The following ZPLD1 variants were observed in gnomAD, a reference collection of about 807,000 sequenced individuals.
The protein encoded by ZPLD1 is zona pellucida-like domain-containing protein 1.
ZPLD1 carries 34 observed loss-of-function variants against 47.2 expected under a neutral mutation model. That is an observed-to-expected ratio of 0.72 (90% confidence interval 0.55 to 0.96). The LOEUF is 0.96. ZPLD1 is among the 40% of genes least tolerant of loss of function. ZPLD1 has a pLI of 0.00. For synonymous variants in ZPLD1, 176 were observed against 186.2 expected, an observed-to-expected ratio of 0.95 and a Z score of 0.45; for missense variants, 512 against 505.8, an observed-to-expected ratio of 1.01 and a Z score of -0.12.
Position 102,453,062 on chromosome 3 carries a change from A to C in ZPLD1, c.250A>C (p.Asn84His). 1.2e-6 allele frequency: 2 copies of C among 1,614,116 alleles called. No homozygotes were observed. The highest frequency in any genetic ancestry group is 2.2e-5 in the East Asian group (1 of 44,880). The change falls in exon 4 of 12, where the codon AAT becomes CAT. Residue 84 changes from asparagine (N) to histidine (H), a missense_variant. By Grantham distance (68) the Asn-to-His change is moderately conservative (BLOSUM62 1). Transcript: ENST00000466937. ...HGDSHCRGFINNNTFPAVVIF... is the reference protein window; with the variant it reads ...HGDSHCRGFIHNNTFPAVVIF... ...GGACTCCCACTGCAGAGGGTTCATC[A>C]ATAACAACACCTTTCCAGCAGTGGT...
At chr3:102,408,633 C>CT (rs201076251) in intron 7 of ZPLD1, among the ~76,000 whole-genome samples, 49 of 150,696 alleles carry the variant, frequency 3.3e-4, no homozygotes, top group African/African-American at 8.5e-4. Context: ...TGCTTCTCAA[C>CT]TTTTTTTTTA....
intron 10 of ZPLD1, among the ~76,000 whole-genome samples, chr3:102,475,396 A>G (rs1707744782): frequency 2.6e-5 from 4 of 152,174 alleles, no homozygotes; most frequent in Non-Finnish European, 5.9e-5. Flanking sequence ...CTCTTGTCTT[A>G]TTTGAAACAC....
intron 8 of ZPLD1, among the ~76,000 whole-genome samples, chr3:102,425,131 C>A (rs1280721105): frequency 6.6e-6 from 1 of 152,056 alleles, no homozygotes; most frequent in African/African-American, 2.4e-5. Flanking sequence ...CTCTGCTCTT[C>A]TTCAAGCCTC....
Position 102,457,791 on chromosome 3 carries a change from G to T in ZPLD1, c.520G>T (p.Ala174Ser). 1 of 1,613,808 alleles carries T rather than the reference G, an allele frequency of 6.2e-7. No individual in the cohort carries two copies. The highest frequency in any genetic ancestry group is 8.5e-7 in the Non-Finnish European group (1 of 1,179,874). The change falls in exon 6 of 12, where the codon GCT becomes TCT. Residue 174 changes from alanine to serine, a missense_variant. Ala to Ser is a moderately conservative substitution (Grantham distance 99). Transcript: ENST00000466937. Reference sequence around the variant, plus strand: ...CTAAATGTGTTTTAGGTCCTCAGCGGCTATTTCTGTGAGAGAGAACAATGG... The same window carrying T: ...CTAAATGTGTTTTAGGTCCTCAGCGTCTATTTCTGTGAGAGAGAACAATGG... ...NNTQLASSSA[A>S]ISVRENNGTF...
chr3:102,441,878 G>T (rs1707184203), intron 3 of ZPLD1, among the ~76,000 whole-genome samples: 1 of 152,234 alleles, frequency 6.6e-6, no homozygotes, highest in South Asian at 2.1e-4. Flanking sequence ...GTTTTATCCA[G>T]AGGAAAAAGT....
At chr3:102,427,876 A>AT (rs956844895) in intron 8 of ZPLD1, among the ~76,000 whole-genome samples, 13 of 151,528 alleles carry the variant, frequency 8.6e-5, no homozygotes, top group East Asian at 7.7e-4. Context: ...GTGGTAAAGC[A>AT]TTTTTTTTTC....
At chr3:102,449,524 G>A (rs536868185) in intron 3 of ZPLD1, among the ~76,000 whole-genome samples, 25 of 152,146 alleles carry the variant, frequency 1.6e-4, no homozygotes, top group African/African-American at 5.1e-4. Flanking sequence ...GAAATCTCAC[G>A]CGATTCAGCT....
chr3:102,421,481 T>G (rs1301007996), intron 8 of ZPLD1, among the ~76,000 whole-genome samples: 1 of 151,910 alleles, frequency 6.6e-6, no homozygotes, highest in African/African-American at 2.4e-5. Flanking sequence ...TTAAAAACTT[T>G]GGTGCATTTG....
At chr3:102,454,087 T>C (rs1157574909) in intron 4 of ZPLD1, among the ~76,000 whole-genome samples, 1 of 152,202 alleles carries the variant, frequency 6.6e-6, no homozygotes, top group Non-Finnish European at 1.5e-5. Flanking sequence ...TATTATTTTG[T>C]ATTAAGGAGA....
intron 6 of ZPLD1, among the ~76,000 whole-genome samples, chr3:102,458,550 G>T (rs1182673701): frequency 1.3e-5 from 2 of 151,826 alleles, no homozygotes; most frequent in South Asian, 2.1e-4. Flanking sequence ...ATTATGAATC[G>T]GATTTTTGCA....
chr3:102,409,265 G>A (rs78975011), intron 7 of ZPLD1, among the ~76,000 whole-genome samples: 2,351 of 151,836 alleles, frequency 0.015, 39 homozygotes, highest in Middle Eastern at 0.034. Context: ...GTACTCCATC[G>A]TTTTTCCACC....
rs147290362 is a variant in ZPLD1, at chr3:102,390,605, AAAATC to A, written c.-212-1556_-212-1552del. 3.5e-3 allele frequency among the ~76,000 whole-genome samples: 538 copies of A among 152,364 alleles called. 1 individual carries two copies. The highest frequency in any genetic ancestry group is 0.013 in the African/African-American group (521 of 41,584). On this transcript the variant is annotated intron_variant, in intron 6 of 17. Coordinates refer to the ZPLD1 transcript ENST00000491959. ...CTGTCAGTTCCTCTACAGAACAGAG[AAAATC>A]AAATCAAAGCTCGACAAACATGAAG...
At chr3:102,415,534 G>T (rs987422302) in intron 7 of ZPLD1, among the ~76,000 whole-genome samples, 1 of 151,850 alleles carries the variant, frequency 6.6e-6, no homozygotes, top group East Asian at 1.9e-4. Context: ...AAGCATAGGG[G>T]TTTAGAGATA....
chr3:102,401,133 G>A (rs1037810887), intron 7 of ZPLD1, among the ~76,000 whole-genome samples: 9 of 152,030 alleles, frequency 5.9e-5, no homozygotes, highest in African/African-American at 1.9e-4. Flanking sequence ...ACTTGCCAGT[G>A]AGAGAAAATT....
Position 102,464,242 on chromosome 3 carries a change from T to C in ZPLD1, c.752T>C (p.Leu251Pro), listed in dbSNP as rs779739529. 13 of 1,610,844 alleles carry C rather than the reference T, an allele frequency of 8.1e-6. No homozygotes were observed. Among genetic ancestry groups the C allele is most frequent in the Non-Finnish European group, 1.1e-5 (13 of 1,177,312 alleles). Reference protein sequence around the residue: ...GNPNDDIRYDLFLSCDKDPQT... With the variant: ...GNPNDDIRYDPFLSCDKDPQT... ...CCAAATGATGACATTCGATATGATCTTTTCCTTAGGTAAGACTTAGCTGTC... is the reference window on the plus strand; with the variant it reads ...CCAAATGATGACATTCGATATGATCCTTTCCTTAGGTAAGACTTAGCTGTC... The change falls in exon 8 of 12, where the codon CTT (leucine) becomes CCT (proline). Residue 251 changes from leucine (L) to proline (P), a missense_variant. Physicochemically the swap from Leu to Pro is moderately conservative, Grantham distance 98 (BLOSUM62 -3). Coordinates refer to ENST00000466937, the MANE Select transcript of ZPLD1 (RefSeq NM_001329788.2).
At chr3:102,391,053 G>C (rs1314161372) in intron 6 of ZPLD1, among the ~76,000 whole-genome samples, 2 of 152,050 alleles carry the variant, frequency 1.3e-5, no homozygotes, top group Non-Finnish European at 2.9e-5. Context: ...CACATGCTTT[G>C]CTTTTGGTAT....
chr3:102,436,830 A>T lies in ZPLD1; in HGVS notation c.-122-30A>T, dbSNP rs1034146822. 8.8e-5 allele frequency: 83 copies of T among 947,430 alleles called. No individual in the cohort carries two copies. In the African/African-American group the frequency reaches 1.4e-3, roughly 16 times the overall value. The allele number at this position is 947,430 out of a possible 1,614,324, so 58.7% of individuals were successfully genotyped here. ...TTCAGAACCACAAAATAACTCACCA[A>T]CTTAAATTCCTGATTCTGTAATTTC... On this transcript the variant is annotated intron_variant, in intron 1 of 11. Coordinates refer to ENST00000466937, the MANE Select transcript of ZPLD1 (RefSeq NM_001329788.2).
At position 102,477,574 on chromosome 3, in the gene ZPLD1, A is replaced by G; in HGVS notation, c.1204A>G (p.Thr402Ala). 1 of 1,613,630 alleles carries G rather than the reference A, an allele frequency of 6.2e-7. No individual in the cohort carries two copies. Among genetic ancestry groups the G allele is most frequent in the Non-Finnish European group, 8.5e-7 (1 of 1,179,700 alleles). The change falls in exon 12 of 12, where the codon ACA (threonine) becomes GCA (alanine). Residue 402 changes from threonine (T) to alanine (A), a missense_variant. Thr to Ala is a moderately conservative substitution (Grantham distance 58, BLOSUM62 0). Coordinates refer to ENST00000466937, the MANE Select transcript of ZPLD1 (RefSeq NM_001329788.2). ...SLALLHRKGPTSLVLNGIRNP... is the reference protein window; with the variant it reads ...SLALLHRKGPASLVLNGIRNP... ...GGCCCTTCTGCACAGGAAGGGACCC[A>G]CAAGTTTAGTGTTGAATGGCATAAG...
intron 10 of ZPLD1, among the ~76,000 whole-genome samples, chr3:102,476,321 CATG>C (rs1707757782): frequency 6.6e-6 from 1 of 152,170 alleles, no homozygotes; most frequent in East Asian, 1.9e-4. Context: ...TTGATAGCAA[CATG>C]ATGACAAATT....
Sources: allele counts gnomAD v4.1 joint callset (sites outside exome capture counted in the v4.1 genomes callset), GRCh38; gene constraint gnomAD v4.1.1; transcripts MANE v1.5; gene names NCBI Gene and HGNC (gene_info 2026-07-23, HGNC 2026-07-21).